Variants in TMEM179 observed in about 807,000 individuals in gnomAD.
TMEM179 encodes transmembrane protein 179A.
TMEM179 carries 17 observed loss-of-function variants against 22.2 expected under a neutral mutation model. The observed-to-expected ratio is 0.77, with a 90% confidence interval of 0.52 to 1.15. The LOEUF (loss-of-function observed/expected upper bound fraction) is 1.15. Ranked by LOEUF, TMEM179 falls within the 50% of genes most tolerant of loss-of-function variation. TMEM179 has a pLI of 0.00. For synonymous variants in TMEM179, 127 were observed against 140.5 expected, an observed-to-expected ratio of 0.90 and a Z score of 0.68; for missense variants, 265 against 313.6, an observed-to-expected ratio of 0.84 and a Z score of 1.17.
intron 3 of TMEM179, chr14:104,594,379 G>A (rs1233143679): frequency 5.7e-6 from 7 of 1,231,648 alleles, no homozygotes; most frequent in African/African-American, 1.6e-5. Flanking sequence ...AGGCCAGCCT[G>A]GGGTCCGGAA....
chr14:104,600,824 C>T (rs1039537900), intron 1 of TMEM179, among the ~76,000 whole-genome samples: 7 of 152,230 alleles, frequency 4.6e-5, no homozygotes, highest in African/African-American at 1.7e-4. Context: ...AAGCTCTGGA[C>T]GTGCCATGTG....
chr14:104,593,421 C>T lies in TMEM179; in HGVS notation c.*58G>A. On this transcript the variant is annotated 3_prime_UTR_variant, in exon 4 of 4. Coordinates refer to ENST00000556573, the MANE Select transcript of TMEM179 (RefSeq NM_001286389.2). ...CCCCCCAGCTGCTTCCCCAGGCAGG[C>T]CCGTGCCCCCGAGCGCAGCAGGGAG... 6.5e-7 allele frequency: 1 copy of T among 1,531,098 alleles called. No individual in the cohort carries two copies. The highest frequency in any genetic ancestry group is 8.7e-7 in the Non-Finnish European group (1 of 1,143,076). 94.8% of individuals were successfully genotyped at this position (1,531,098 alleles called of 1,614,324 possible).
At chr14:104,602,332 A>G (rs1438429975) in intron 1 of TMEM179, among the ~76,000 whole-genome samples, 2 of 152,114 alleles carry the variant, frequency 1.3e-5, no homozygotes, top group East Asian at 3.9e-4. Flanking sequence ...GCTGGGTCCT[A>G]TCTAGAGAGC....
Position 104,593,231 on chromosome 14 carries a change from G to T in TMEM179, c.*248C>A, listed in dbSNP as rs1016759311. On this transcript the variant is annotated 3_prime_UTR_variant, in exon 4 of 4. Coordinates refer to ENST00000556573, the MANE Select transcript of TMEM179 (RefSeq NM_001286389.2). ...TGTGCGAGGCCTGGAGGTGCCCCCC[G>T]CCCCCGCCCCACACCCATAGTCTCT... 5.5e-6 allele frequency: 3 copies of T among 542,934 alleles called. No individual in the cohort carries two copies. The South Asian group carries it at 7.2e-5, about 13-fold the overall frequency. 33.6% of individuals were successfully genotyped at this position (542,934 alleles called of 1,614,324 possible).
At position 104,592,841 on chromosome 14, in the gene TMEM179, C is replaced by A. The variant is rs1426749611; in HGVS notation, c.*638G>T. Among the ~76,000 whole-genome samples the A allele has an allele frequency of 1.3e-5, 2 of 152,174 alleles. No homozygotes were observed. The highest frequency in any genetic ancestry group is 4.8e-5 in the African/African-American group (2 of 41,432). ...TTCTGTGGAGCCCAGATTACCACTT[C>A]CCTGACCCTCAGCCAAGCACAGACA... On this transcript the variant is annotated 3_prime_UTR_variant, in exon 4 of 4. Transcript: ENST00000556573.
intron 1 of TMEM179, among the ~76,000 whole-genome samples, chr14:104,600,076 G>A (rs546591202): frequency 6.6e-6 from 1 of 152,362 alleles, no homozygotes; most frequent in African/African-American, 2.4e-5. Context: ...ACCCCAGGCT[G>A]GGGCCGCTGC....
chr14:104,595,335 C>A lies in TMEM179; in HGVS notation c.444-92G>T. 7.4e-7 allele frequency: 1 copy of A among 1,351,790 alleles called. No individual in the cohort carries two copies. Among genetic ancestry groups the A allele is most frequent in the South Asian group, 1.3e-5 (1 of 74,724 alleles). 83.7% of individuals were successfully genotyped at this position (1,351,790 alleles called of 1,614,324 possible). ...GCTGGCCAGAGAGCCAGGAGCTTTGCCCTACAATTGTTGGGCGAGGGGGTG... is the reference window on the plus strand; with the variant it reads ...GCTGGCCAGAGAGCCAGGAGCTTTGACCTACAATTGTTGGGCGAGGGGGTG... On this transcript the variant is annotated intron_variant, in intron 2 of 3. Coordinates refer to ENST00000556573, the MANE Select transcript of TMEM179 (RefSeq NM_001286389.2). The surrounding 1 kb of genome is among the most constrained non-coding windows in gnomAD (Gnocchi z 5.7).
Position 104,592,300 on chromosome 14 carries a change from A to T in TMEM179, c.*1179T>A, listed in dbSNP as rs913274860. Reference sequence around the variant, plus strand: ...CTCACACTCACATGCATGCACACTCATGTCACAGGGAGTCACACCCTCACA... The same window carrying T: ...CTCACACTCACATGCATGCACACTCTTGTCACAGGGAGTCACACCCTCACA... On this transcript the variant is annotated 3_prime_UTR_variant, in exon 4 of 4. Coordinates refer to ENST00000556573, the MANE Select transcript of TMEM179 (RefSeq NM_001286389.2). The T allele has an allele frequency of 6.5e-6, 1 of 154,664 alleles. No individual in the cohort carries two copies. Among genetic ancestry groups the T allele is most frequent in the African/African-American group, 2.4e-5 (1 of 41,402 alleles). 9.6% of individuals were successfully genotyped at this position (154,664 alleles called of 1,614,324 possible). A position where few individuals can be genotyped will look rare whatever the true frequency, so the allele number is the denominator to read the frequency against.
In TMEM179 at chr14:104,604,527, C is replaced by T. The variant is rs556132914; in HGVS notation, c.215G>A (p.Arg72His). Residue 72 changes from arginine (R) to histidine (H), a missense_variant, in exon 1 of 4, where the codon CGC (arginine) becomes CAC (histidine). Coordinates refer to ENST00000556573, the MANE Select transcript of TMEM179 (RefSeq NM_001286389.2). This position sits in a 1 kb window ranked among gnomAD's most constrained non-coding sequence, Gnocchi z 4.6. ...CAGGAGGCTGGCGAGCAGGCTGAAG[C>T]GGCAGGCGGCCGGCGGGCCCCACTC... The part of the protein sequence containing the change: ...VQEWGPPAAC[R>H]FSLLASLLSL... The T allele has an allele frequency of 1.3e-4, 202 of 1,548,672 alleles. 1 individual carries two copies. The South Asian group carries it at 2.0e-3, about 15-fold the overall frequency.
rs571140551 is a variant in TMEM179, at chr14:104,603,721, A to G, written c.305+716T>C. 2.0e-5 allele frequency among the ~76,000 whole-genome samples: 3 copies of G among 152,072 alleles called. No homozygotes were observed. The East Asian group carries it at 5.8e-4, about 29-fold the overall frequency. On this transcript the variant is annotated intron_variant, in intron 1 of 3. Coordinates refer to ENST00000556573, the MANE Select transcript of TMEM179 (RefSeq NM_001286389.2). Reference sequence around the variant, plus strand: ...GGGAGGGTTCACAGAGAGCACCTGCAGAGGGAGTGGGTGGGCCCCCAGAGG... The same window carrying G: ...GGGAGGGTTCACAGAGAGCACCTGCGGAGGGAGTGGGTGGGCCCCCAGAGG...
intron 1 of TMEM179, among the ~76,000 whole-genome samples, chr14:104,603,447 G>A (rs1887304201): frequency 6.6e-6 from 1 of 151,870 alleles, no homozygotes; most frequent in Admixed American, 6.6e-5. Flanking sequence ...ATCTCGGGCT[G>A]CTCCTGGGCA....
Position 104,593,399 on chromosome 14 carries a change from C to A in TMEM179, c.*80G>T, listed in dbSNP as rs565882356. 1.2e-5 allele frequency: 18 copies of A among 1,508,636 alleles called. No homozygotes were observed. Among genetic ancestry groups the A allele is most frequent in the Admixed American group, 2.0e-5 (1 of 50,422 alleles). The allele number at this position is 1,508,636 out of a possible 1,614,324, so 93.5% of individuals were successfully genotyped here. ...TGTGGCCAGGGCCCAGGCAGAGCCC[C>A]CCAGCTGCTTCCCCAGGCAGGCCCG... On this transcript the variant is annotated 3_prime_UTR_variant, in exon 4 of 4. Coordinates refer to ENST00000556573, the MANE Select transcript of TMEM179 (RefSeq NM_001286389.2).
At position 104,604,553 on chromosome 14, in the gene TMEM179, C is replaced by T; in HGVS notation, c.189G>A (p.Gln63=). ...GGCAGGCGGCCGGCGGGCCCCACTCCTGCACCGTGAAGCGCTCGCGCTCCT... is the reference window on the plus strand; with the variant it reads ...GGCAGGCGGCCGGCGGGCCCCACTCTTGCACCGTGAAGCGCTCGCGCTCCT... ...TVQERERFTV[Q]EWGPPAACRF... Residue 63 remains glutamine, a synonymous_variant, in exon 1 of 4, where the codon CAG becomes CAA. Coordinates refer to ENST00000556573, the MANE Select transcript of TMEM179 (RefSeq NM_001286389.2). The surrounding 1 kb of genome is among the most constrained non-coding windows in gnomAD (Gnocchi z 4.6). 2 of 1,536,494 alleles carry T rather than the reference C, an allele frequency of 1.3e-6. No individual in the cohort carries two copies. The highest frequency in any genetic ancestry group is 2.5e-5 in the East Asian group (1 of 39,566).
At chr14:104,602,185 A>AGT (rs1039198841) in intron 1 of TMEM179, among the ~76,000 whole-genome samples, 1 of 152,228 alleles carries the variant, frequency 6.6e-6, no homozygotes, top group Non-Finnish European at 1.5e-5. Flanking sequence ...CCTGCCGCCC[A>AGT]GTGTGTGCGA....
intron 1 of TMEM179, among the ~76,000 whole-genome samples, chr14:104,601,249 T>C (rs944846896): frequency 6.6e-6 from 1 of 152,336 alleles, no homozygotes; most frequent in Non-Finnish European, 1.5e-5. Flanking sequence ...GGTGGACCTG[T>C]TGGCCAGATA....
chr14:104,596,365 C>G (rs981128321), intron 2 of TMEM179, among the ~76,000 whole-genome samples: 1 of 152,190 alleles, frequency 6.6e-6, no homozygotes, highest in Non-Finnish European at 1.5e-5. Flanking sequence ...GGGCCCCCCA[C>G]AAGCCAGATG....
rs554009952 is a variant in TMEM179 at position 104,599,692 on chromosome 14, C to T, written c.306-2565G>A. Among the ~76,000 whole-genome samples, 385 of 152,278 alleles carry T rather than the reference C, an allele frequency of 2.5e-3. 1 individual carries two copies. Among genetic ancestry groups the T allele is most frequent in the Admixed American group, 7.8e-3 (120 of 15,306 alleles). On this transcript the variant is annotated intron_variant, in intron 1 of 3. Transcript: ENST00000556573. ...GCCCCAGCCAAGGAGAAGGTGGTGG[C>T]GAGGCACGGCCAGGGTCAGCTCCAC...
Position 104,597,693 on chromosome 14 carries a change from G to A in TMEM179, c.306-566C>T, listed in dbSNP as rs1012658869. The stretch of plus-strand genomic sequence containing the variant: ...GAGGAACGGGCCCTCAGCAGGCATC[G>A]AACCTGGATCCCAGCCTGGATCGCA... On this transcript the variant is annotated intron_variant, in intron 1 of 3. Transcript: ENST00000556573. This position sits in a 1 kb window ranked among gnomAD's most constrained non-coding sequence, Gnocchi z 4.8. Among the ~76,000 whole-genome samples the A allele has an allele frequency of 2.0e-5, 3 of 152,114 alleles. No homozygotes were observed. Among genetic ancestry groups the A allele is most frequent in the Admixed American group, 6.5e-5 (1 of 15,286 alleles).
At position 104,604,742 on chromosome 14, in the gene TMEM179, G is replaced by C; in HGVS notation, c.-1C>G. The C allele has an allele frequency of 6.4e-7, 1 of 1,554,654 alleles. No homozygotes were observed. The highest frequency in any genetic ancestry group is 8.7e-7 in the Non-Finnish European group (1 of 1,154,622). On this transcript the variant is annotated 5_prime_UTR_variant, in exon 1 of 4. Coordinates refer to ENST00000556573, the MANE Select transcript of TMEM179 (RefSeq NM_001286389.2). The surrounding 1 kb of genome is among the most constrained non-coding windows in gnomAD (Gnocchi z 4.6). The stretch of plus-strand genomic sequence containing the variant: ...CGAAAAGGAAATTGTTGAGCGCCAT[G>C]GCCGGCCCGGGCGAGAGCGGCGGCG...
Sources: gnomAD v4.1 joint callset for allele counts (sites outside exome capture counted in the v4.1 genomes callset) on GRCh38, gnomAD v4.1.1 for gene constraint, Gnocchi (gnomAD v3.1) non-coding constraint, MANE v1.5 for transcripts, NCBI Gene and HGNC (gene_info 2026-07-23, HGNC 2026-07-21) for gene names.